SNTB1: variants seen among roughly 807,000 people sequenced by gnomAD.
The protein encoded by SNTB1 is beta-1-syntrophin.
A neutral mutation model predicts 48.9 loss-of-function variants in SNTB1; 36 were observed. The ratio of observed to expected loss-of-function variants is 0.74; its 90% CI spans 0.56 to 0.97. The LOEUF is 0.97. Among genes scored for constraint, SNTB1 ranks in the 50% least tolerant of loss-of-function variants. The pLI is 0.00. For synonymous variants in SNTB1, 299 were observed against 294.6 expected, an observed-to-expected ratio of 1.01 and a Z score of -0.15; for missense variants, 786 against 703.4, an observed-to-expected ratio of 1.12 and a Z score of -1.33.
chr8:120,539,424 T>C (rs554746197), intron 6 of SNTB1, among the ~76,000 whole-genome samples: 63 of 152,324 alleles, frequency 4.1e-4, no homozygotes, highest in Non-Finnish European at 8.1e-4. Context: ...CACAGAGTCA[T>C]TAGAGGGTTA....
chr8:120,736,478 A>G (rs1031267886), intron 1 of SNTB1, among the ~76,000 whole-genome samples: 11 of 152,224 alleles, frequency 7.2e-5, no homozygotes, highest in Non-Finnish European at 1.2e-4. Context: ...GCCAATGACC[A>G]TGAACCTGCT....
chr8:120,555,552 C>T (rs919891525), intron 4 of SNTB1, among the ~76,000 whole-genome samples: 1 of 152,140 alleles, frequency 6.6e-6, no homozygotes. Context: ...GTCCGTAGTT[C>T]CTGCCGGCAT....
chr8:120,562,996 G>A (rs1350442205), intron 4 of SNTB1, among the ~76,000 whole-genome samples: 1 of 152,176 alleles, frequency 6.6e-6, no homozygotes, highest in Non-Finnish European at 1.5e-5. Flanking sequence ...TCTGGGAGTA[G>A]AGAAGTGCAC....
intron 1 of SNTB1, among the ~76,000 whole-genome samples, chr8:120,742,678 C>T (rs569961850): frequency 1.3e-5 from 2 of 152,214 alleles, no homozygotes; most frequent in Non-Finnish European, 2.9e-5. Flanking sequence ...GGTGCCTTTA[C>T]AGACTGGAGT....
At chr8:120,801,640 T>C (rs1376350139) in intron 1 of SNTB1, among the ~76,000 whole-genome samples, 1 of 152,092 alleles carries the variant, frequency 6.6e-6, no homozygotes, top group East Asian at 1.9e-4. Flanking sequence ...CAATTCAAAC[T>C]GTCCGATTTT....
At chr8:120,640,477 C>A (rs1817172517) in intron 2 of SNTB1, among the ~76,000 whole-genome samples, 2 of 152,098 alleles carry the variant, frequency 1.3e-5, no homozygotes. Context: ...GGGAATGCTT[C>A]CAGTTTTTGC....
At chr8:120,797,546 C>CTCTTTTTTT (rs1820140678) in intron 1 of SNTB1, among the ~76,000 whole-genome samples, 1 of 69,088 alleles carries the variant, frequency 1.4e-5, no homozygotes, top group African/African-American at 5.6e-5. Flanking sequence ...ACTTGTTTCT[C>CTCTTTTTTT]TTTTTTTTTT....
intron 1 of SNTB1, among the ~76,000 whole-genome samples, chr8:120,711,558 G>T (rs562117222): frequency 6.6e-6 from 1 of 152,294 alleles, no homozygotes; most frequent in East Asian, 1.9e-4. Context: ...AGGCCGTCAG[G>T]TGTTTTGCAC....
At chr8:120,586,687 G>A (rs1243101249) in intron 3 of SNTB1, among the ~76,000 whole-genome samples, 2 of 152,164 alleles carry the variant, frequency 1.3e-5, no homozygotes, top group Non-Finnish European at 2.9e-5. Context: ...CAGGTTCTGG[G>A]GGTTAGGATG....
intron 2 of SNTB1, among the ~76,000 whole-genome samples, chr8:120,651,112 T>C (rs563544885): frequency 1.3e-5 from 2 of 152,322 alleles, no homozygotes; most frequent in East Asian, 3.9e-4. Flanking sequence ...ATGAACAGTC[T>C]TTCCAAATTT....
intron 1 of SNTB1, among the ~76,000 whole-genome samples, chr8:120,797,995 A>G (rs1820151573): frequency 6.6e-6 from 1 of 152,006 alleles, no homozygotes; most frequent in African/African-American, 2.4e-5. Context: ...TACTATTAAA[A>G]GAGAGGTGTG....
At chr8:120,731,951 G>A (rs998827290) in intron 1 of SNTB1, among the ~76,000 whole-genome samples, 6 of 152,198 alleles carry the variant, frequency 3.9e-5, no homozygotes, top group African/African-American at 9.7e-5. Context: ...TATTTCATGG[G>A]AATGGGGGTA....
intron 5 of SNTB1, among the ~76,000 whole-genome samples, chr8:120,543,944 T>C (rs1439705948): frequency 1.4e-5 from 2 of 138,146 alleles, no homozygotes; most frequent in Non-Finnish European, 3.1e-5. Flanking sequence ...ACTGCCTCCC[T>C]GTCTTGACCC....
intron 1 of SNTB1, among the ~76,000 whole-genome samples, chr8:120,805,668 G>A (rs1341927284): frequency 6.6e-6 from 1 of 152,212 alleles, no homozygotes; most frequent in Non-Finnish European, 1.5e-5. Context: ...TGTAATAAAT[G>A]TGTGTTGTTT....
intron 2 of SNTB1, among the ~76,000 whole-genome samples, chr8:120,680,797 A>G (rs139987308): frequency 6.6e-6 from 1 of 152,314 alleles, no homozygotes; most frequent in Admixed American, 6.5e-5. Flanking sequence ...CTATATAGTG[A>G]GTCAAGATTA....
intron 4 of SNTB1, among the ~76,000 whole-genome samples, chr8:120,556,231 G>A (rs1160034389): frequency 6.6e-6 from 1 of 152,174 alleles, no homozygotes; most frequent in Non-Finnish European, 1.5e-5. Context: ...GATTATGGAA[G>A]AGAGTCGGAA....
At chr8:120,806,504 T>C (rs1820339652) in intron 1 of SNTB1, among the ~76,000 whole-genome samples, 1 of 152,234 alleles carries the variant, frequency 6.6e-6, no homozygotes, top group Non-Finnish European at 1.5e-5. Context: ...TTCTCCTTTA[T>C]ATTACTACTA....
intron 1 of SNTB1, among the ~76,000 whole-genome samples, chr8:120,785,140 T>C (rs1199642699): frequency 1.3e-5 from 2 of 152,042 alleles, no homozygotes; most frequent in African/African-American, 4.8e-5. Context: ...TGGTCACGGG[T>C]TTAGAGAAAC....
At chr8:120,587,221 A>AAAAACAAAAC (rs35819460) in intron 3 of SNTB1, among the ~76,000 whole-genome samples, 65,206 of 150,848 alleles carry the variant, frequency 0.43, 17,301 homozygotes, top group Non-Finnish European at 0.61. Flanking sequence ...ACTCTGTCTC[A>AAAAACAAAAC]AAAACAAAAC....
Sources: gnomAD v4.1 joint callset for allele counts (sites outside exome capture counted in the v4.1 genomes callset) on GRCh38, gnomAD v4.1.1 for gene constraint, MANE v1.5 for transcripts, NCBI Gene and HGNC (gene_info 2026-07-23, HGNC 2026-07-21) for gene names.